SERPINB10: variants seen among roughly 807,000 people sequenced by gnomAD.
SERPINB10 encodes serpin B10.
A neutral mutation model predicts 39.1 loss-of-function variants in SERPINB10; 35 were observed. The ratio of observed to expected loss-of-function variants is 0.90; its 90% CI spans 0.68 to 1.19. The LOEUF is 1.19. Among genes scored for constraint, SERPINB10 ranks in the 50% most tolerant of loss-of-function variants. The pLI, the probability that SERPINB10 is intolerant of heterozygous loss-of-function variation, is 0.00. For missense variants in SERPINB10, 546 were observed against 460.5 expected, an observed-to-expected ratio of 1.19 and a Z score of -1.70; for synonymous variants, 190 against 158.1, an observed-to-expected ratio of 1.20 and a Z score of -1.52.
intron 1 of SERPINB10, among the ~76,000 whole-genome samples, chr18:63,911,085 G>A (rs779282592): frequency 2.0e-5 from 3 of 152,006 alleles, no homozygotes; most frequent in Non-Finnish European, 4.4e-5. Flanking sequence ...CCACTTGTAT[G>A]TCTTCTTTTG....
At position 63,935,249 on chromosome 18, in the gene SERPINB10, C is replaced by T; in HGVS notation, c.*7C>T. ...AAGATTATGCTCCCCCTAAATCCTG[C>T]ATATCTCTCAACAAACAAGACCATC... On this transcript the variant is annotated 3_prime_UTR_variant, in exon 8 of 8. Transcript: ENST00000238508. 1 of 1,553,082 alleles carries T rather than the reference C, an allele frequency of 6.4e-7. No individual in the cohort carries two copies. The highest frequency in any genetic ancestry group is 8.7e-7 in the Non-Finnish European group (1 of 1,153,988).
At chr18:63,931,495 T>C (rs184550822) in intron 6 of SERPINB10, among the ~76,000 whole-genome samples, 1 of 152,302 alleles carries the variant, frequency 6.6e-6, no homozygotes, top group East Asian at 1.9e-4. Context: ...GGCTTTGTGA[T>C]GGACAGTTCG....
At chr18:63,928,337 G>A (rs1278955555) in intron 5 of SERPINB10, among the ~76,000 whole-genome samples, 1 of 151,990 alleles carries the variant, frequency 6.6e-6, no homozygotes, top group Non-Finnish European at 1.5e-5. Flanking sequence ...TATAATACCT[G>A]ATTCGAGAGA....
In SERPINB10 at chr18:63,933,121, C is replaced by A. The variant is rs760790451; in HGVS notation, c.707C>A (p.Ala236Glu). 1 of 1,613,766 alleles carries A rather than the reference C, an allele frequency of 6.2e-7. No individual in the cohort carries two copies. The highest frequency in any genetic ancestry group is 8.5e-7 in the Non-Finnish European group (1 of 1,179,872). The stretch of plus-strand genomic sequence containing the variant: ...ATTTTTCACATAGAAAAGCCAAAAG[C>A]AGTGGGCCTTCAACTCTACTACAAA... ...LHIFHIEKPK[A>E]VGLQLYYKSR... The change falls in exon 7 of 8, where the codon GCA (alanine) becomes GAA (glutamate). Residue 236 changes from alanine (A) to glutamate (E), a missense_variant. Coordinates refer to ENST00000238508, the MANE Select transcript of SERPINB10 (RefSeq NM_005024.3).
Position 63,935,093 on chromosome 18 carries a change from A to G in SERPINB10, c.1045A>G (p.Thr349Ala), listed in dbSNP as rs2072114019. 1 of 1,614,170 alleles carries G rather than the reference A, an allele frequency of 6.2e-7. No homozygotes were observed. The highest frequency in any genetic ancestry group is 1.3e-5 in the African/African-American group (1 of 75,074). The change falls in exon 8 of 8, where the codon ACT (threonine) becomes GCT (alanine). Residue 349 changes from threonine to alanine, a missense_variant. Thr to Ala is a moderately conservative substitution (Grantham distance 58). Transcript: ENST00000238508. ...TTTTGTGGAAATAAATGAACAAGGTACTGAAGCTGCAGCTGGCAGTGGGAG... is the reference window on the plus strand; with the variant it reads ...TTTTGTGGAAATAAATGAACAAGGTGCTGAAGCTGCAGCTGGCAGTGGGAG... ...KAFVEINEQG[T>A]EAAAGSGSEI...
At chr18:63,933,875 A>T (rs1480830353) in intron 7 of SERPINB10, among the ~76,000 whole-genome samples, 2 of 152,160 alleles carry the variant, frequency 1.3e-5, no homozygotes, top group African/African-American at 4.8e-5. Flanking sequence ...ACAGTGTCTA[A>T]TTTTTCACAT....
At chr18:63,930,420 T>A (rs1297655488) in intron 6 of SERPINB10, among the ~76,000 whole-genome samples, 1 of 151,998 alleles carries the variant, frequency 6.6e-6, no homozygotes, top group East Asian at 1.9e-4. Context: ...GTGAGCTGGG[T>A]AGGGTAGTTT....
At chr18:63,929,001 G>C (rs1897504629) in intron 5 of SERPINB10, among the ~76,000 whole-genome samples, 2 of 152,170 alleles carry the variant, frequency 1.3e-5, no homozygotes, top group Non-Finnish European at 2.9e-5. Flanking sequence ...GAGAAACCCA[G>C]CTAAACCTGC....
chr18:63,915,101 T>C (rs1599075954), intron 1 of SERPINB10, among the ~76,000 whole-genome samples: 1 of 152,174 alleles, frequency 6.6e-6, no homozygotes, highest in Admixed American at 6.5e-5. Context: ...CTAGGTGCTG[T>C]TGGGTGCACG....
intron 5 of SERPINB10, among the ~76,000 whole-genome samples, chr18:63,928,454 A>C (rs1239395197): frequency 6.6e-6 from 1 of 152,134 alleles, no homozygotes; most frequent in Non-Finnish European, 1.5e-5. Context: ...TTGTAACTAT[A>C]ACAATCTGAT....
intron 1 of SERPINB10, among the ~76,000 whole-genome samples, 158 bp from the exon 2 acceptor site, chr18:63,915,344 T>A (rs1481670821): frequency 6.6e-6 from 1 of 152,094 alleles, no homozygotes; most frequent in Non-Finnish European, 1.5e-5. Flanking sequence ...TGTTTTAATA[T>A]ATAAAATACT....
chr18:63,921,676 C>T (rs1444809304), intron 5 of SERPINB10, among the ~76,000 whole-genome samples: 1 of 151,928 alleles, frequency 6.6e-6, no homozygotes, highest in Non-Finnish European at 1.5e-5. Flanking sequence ...TGTCACTTCT[C>T]TACTCAAAAC....
chr18:63,932,100 T>C (rs1005306618), intron 6 of SERPINB10, among the ~76,000 whole-genome samples: 2 of 152,218 alleles, frequency 1.3e-5, no homozygotes. Flanking sequence ...GTTTTATTGC[T>C]GAATAATATT....
At chr18:63,934,552 T>G (rs2050247206) in intron 7 of SERPINB10, among the ~76,000 whole-genome samples, 1 of 152,240 alleles carries the variant, frequency 6.6e-6, no homozygotes, top group African/African-American at 2.4e-5. Flanking sequence ...TTTATATTTA[T>G]GTATTTGAGT....
Position 63,935,245 on chromosome 18 carries a change from C to T in SERPINB10, c.*3C>T. ...ATGGAAGATTATGCTCCCCCTAAAT[C>T]CTGCATATCTCTCAACAAACAAGAC... On this transcript the variant is annotated 3_prime_UTR_variant, in exon 8 of 8. Transcript: ENST00000238508. 1.9e-6 allele frequency: 3 copies of T among 1,562,142 alleles called. No homozygotes were observed. Among genetic ancestry groups the T allele is most frequent in the Non-Finnish European group, 1.7e-6 (2 of 1,157,634 alleles).
intron 3 of SERPINB10, 91 bp downstream of exon 3, chr18:63,917,612 A>C (rs929730808): frequency 5.6e-6 from 4 of 712,852 alleles, no homozygotes; most frequent in Non-Finnish European, 6.6e-6. Flanking sequence ...AACTTTTAGC[A>C]GGTAATTTTT....
At chr18:63,931,839 A>G (rs965061822) in intron 6 of SERPINB10, among the ~76,000 whole-genome samples, 2 of 152,304 alleles carry the variant, frequency 1.3e-5, no homozygotes, top group African/African-American at 4.8e-5. Context: ...GAAAATGTTC[A>G]ATATCACGTA....
chr18:63,917,846 T>A (rs17072118), intron 3 of SERPINB10, 119 bp from the exon 4 acceptor site: 23,328 of 864,326 alleles, frequency 0.027, 1,023 homozygotes, highest in East Asian at 0.19. Flanking sequence ...TTATCCACTT[T>A]AGGAACATTT....
At chr18:63,914,860 A>T (rs1383730664) in intron 1 of SERPINB10, among the ~76,000 whole-genome samples, 1 of 152,044 alleles carries the variant, frequency 6.6e-6, no homozygotes, top group African/African-American at 2.4e-5. Context: ...ATCAAAAAAG[A>T]TGAGGAAAAC....
Sources: gnomAD v4.1 joint callset for allele counts (sites outside exome capture counted in the v4.1 genomes callset) on GRCh38, gnomAD v4.1.1 for gene constraint, MANE v1.5 for transcripts, NCBI Gene and HGNC (gene_info 2026-07-23, HGNC 2026-07-21) for gene names.